The following USP32 variants were observed in gnomAD, a reference collection of about 807,000 sequenced individuals.
USP32 encodes ubiquitin specific peptidase 32.
A neutral mutation model predicts 204.8 loss-of-function variants in USP32; 59 were observed. That is an observed-to-expected ratio of 0.29 (90% CI 0.23 to 0.36). The LOEUF (loss-of-function observed/expected upper bound fraction) is 0.36. USP32 is among the 10% of genes least tolerant of loss of function. The pLI, the probability that USP32 is intolerant of heterozygous loss-of-function variation, is 1.00. For synonymous variants in USP32, 517 were observed against 678.4 expected, an observed-to-expected ratio of 0.76 and a Z score of 3.70; for missense variants, 1,160 against 1,946.4, an observed-to-expected ratio of 0.60 and a Z score of 7.60.
At chr17:60,296,121 A>T (rs1157829297) in intron 3 of USP32, among the ~76,000 whole-genome samples, 1 of 152,178 alleles carries the variant, frequency 6.6e-6, no homozygotes, top group African/African-American at 2.4e-5. Context: ...TAATATTTTT[A>T]AAAAATCAAA....
At chr17:60,251,153 G>C (rs2086156288) in intron 11 of USP32, among the ~76,000 whole-genome samples, 1 of 151,778 alleles carries the variant, frequency 6.6e-6, no homozygotes, top group Non-Finnish European at 1.5e-5. Context: ...ATGTTGCCCA[G>C]GCTGGTCTCG....
Position 60,339,204 on chromosome 17 carries a change from C to A in USP32, c.186+6277G>T, listed in dbSNP as rs546582021. 3.9e-5 allele frequency among the ~76,000 whole-genome samples: 6 copies of A among 152,172 alleles called. No individual in the cohort carries two copies. The East Asian group carries it at 1.2e-3, about 30-fold the overall frequency. ...GGGATTGCAGGCATGAGCCACCGCG[C>A]CCAGCCTAGAAGAACATAAAAATAT... On this transcript the variant is annotated intron_variant, in intron 2 of 33. Transcript: ENST00000300896.
At chr17:60,402,313 C>T (rs1363613823) in intron 1 of USP32, among the ~76,000 whole-genome samples, 1 of 144,104 alleles carries the variant, frequency 6.9e-6, no homozygotes, top group Non-Finnish European at 1.5e-5. Flanking sequence ...TGCAGTGGTG[C>T]AATCATGGCT....
At chr17:60,230,788 C>T (rs570025366) in intron 12 of USP32, among the ~76,000 whole-genome samples, 2 of 152,296 alleles carry the variant, frequency 1.3e-5, no homozygotes, top group Non-Finnish European at 2.9e-5. Context: ...GAAATAGCTA[C>T]CTTTTCATCC....
At chr17:60,285,887 A>C (rs2087097438) in intron 5 of USP32, among the ~76,000 whole-genome samples, 2 of 152,342 alleles carry the variant, frequency 1.3e-5, no homozygotes, top group South Asian at 4.1e-4. Context: ...CTGTAATCCC[A>C]GCACTTTGAG....
intron 12 of USP32, among the ~76,000 whole-genome samples, chr17:60,230,090 AG>A (rs1322549545): frequency 6.6e-6 from 1 of 152,226 alleles, no homozygotes; most frequent in Admixed American, 6.5e-5. Flanking sequence ...CTGGGGTTAC[AG>A]GCGTGAGTCA....
intron 1 of USP32, among the ~76,000 whole-genome samples, chr17:60,407,647 T>C (rs933677585): frequency 3.9e-5 from 6 of 151,966 alleles, no homozygotes; most frequent in African/African-American, 1.2e-4. Flanking sequence ...CCAGGTGTGG[T>C]GGTCCATGCC....
chr17:60,414,541 G>A (rs1173639702), intron 1 of USP32, among the ~76,000 whole-genome samples: 2 of 149,248 alleles, frequency 1.3e-5, no homozygotes, highest in African/African-American at 2.5e-5. Flanking sequence ...CTATTCTCAT[G>A]TCTCAGCCTC....
chr17:60,303,185 AG>A (rs2087629486), intron 2 of USP32, among the ~76,000 whole-genome samples: 1 of 152,230 alleles, frequency 6.6e-6, no homozygotes, highest in African/African-American at 2.4e-5. Flanking sequence ...CCAAATAAAC[AG>A]AACTAATACA....
chr17:60,228,505 T>C (rs113046248), intron 12 of USP32, among the ~76,000 whole-genome samples: 9 of 148,878 alleles, frequency 6.0e-5, no homozygotes, highest in Non-Finnish European at 1.2e-4. Context: ...CTTTTTCTTT[T>C]TTTTTTTTTT....
chr17:60,205,437 T>C lies in USP32; in HGVS notation c.3249+10A>G, dbSNP rs2084799212. ...AAGACTGGCAGTGAGTTGCCTAACA[T>C]TTAACTAACCATTTTTCGGTGGACT... On this transcript the variant is annotated intron_variant, in intron 26 of 33. Coordinates refer to ENST00000300896, the MANE Select transcript of USP32 (RefSeq NM_032582.4). 6 of 1,606,576 alleles carry C rather than the reference T, an allele frequency of 3.7e-6. No individual in the cohort carries two copies. Among genetic ancestry groups the C allele is most frequent in the Non-Finnish European group, 3.4e-6 (4 of 1,174,576 alleles).
chr17:60,385,698 C>T (rs763031811), intron 1 of USP32, among the ~76,000 whole-genome samples: 1 of 151,326 alleles, frequency 6.6e-6, no homozygotes, highest in Admixed American at 6.6e-5. Flanking sequence ...AAAAATGAGC[C>T]GGGCATGGTG....
At chr17:60,336,715 C>CAAAAAAAAA (rs573590957) in intron 2 of USP32, among the ~76,000 whole-genome samples, 1 of 71,596 alleles carries the variant, frequency 1.4e-5, no homozygotes, top group Non-Finnish European at 3.3e-5. Flanking sequence ...GACTCCATCT[C>CAAAAAAAAA]AAAAAAAAAA....
intron 12 of USP32, among the ~76,000 whole-genome samples, chr17:60,234,742 A>T (rs1453349699): frequency 6.6e-6 from 1 of 151,472 alleles, no homozygotes; most frequent in South Asian, 2.1e-4. Flanking sequence ...GAAAAAAAAA[A>T]ATTTTTTTTT....
chr17:60,236,660 T>C (rs1448940692), intron 11 of USP32, among the ~76,000 whole-genome samples: 1 of 152,186 alleles, frequency 6.6e-6, no homozygotes, highest in Non-Finnish European at 1.5e-5. Flanking sequence ...TTTACAGATA[T>C]GTGCAACCAA....
chr17:60,263,912 A>G (rs77064129), intron 9 of USP32, among the ~76,000 whole-genome samples: 2,667 of 152,310 alleles, frequency 0.018, 81 homozygotes, highest in African/African-American at 0.06. Context: ...CCTCTATTTA[A>G]TAACACCATT....
At chr17:60,274,291 G>A (rs779274279) in intron 5 of USP32, among the ~76,000 whole-genome samples, 6 of 152,056 alleles carry the variant, frequency 3.9e-5, no homozygotes, top group African/African-American at 1.2e-4. Flanking sequence ...GGCTAAAAAC[G>A]TATTAGAATC....
chr17:60,393,017 G>C (rs2146149464), upstream of USP32, among the ~76,000 whole-genome samples: 1 of 152,170 alleles, frequency 6.6e-6, no homozygotes, highest in South Asian at 2.1e-4. Context: ...TGAGTTCAGT[G>C]GCGTTAAGAA....
chr17:60,213,965 T>C (rs375264532), intron 17 of USP32, among the ~76,000 whole-genome samples: 17 of 151,772 alleles, frequency 1.1e-4, no homozygotes, highest in African/African-American at 3.6e-4. Flanking sequence ...TTTTTAAAGA[T>C]GGAGTCTGGC....
Sources: gnomAD v4.1 joint callset for allele counts (sites outside exome capture counted in the v4.1 genomes callset) on GRCh38, gnomAD v4.1.1 for gene constraint, MANE v1.5 for transcripts, NCBI Gene and HGNC (gene_info 2026-07-23, HGNC 2026-07-21) for gene names.